Variants in PDIA4 observed in about 807,000 individuals in gnomAD.
PDIA4 encodes protein disulfide-isomerase A4.
Under a neutral mutation model 62.1 loss-of-function variants are expected in PDIA4, and 33 were observed. The observed-to-expected ratio is 0.53, with a 90% CI of 0.40 to 0.71. The LOEUF is 0.71. Among genes scored for constraint, PDIA4 ranks in the 30% least tolerant of loss-of-function variants. PDIA4 has a pLI of 0.00. For synonymous variants in PDIA4, 341 were observed against 324.1 expected, an observed-to-expected ratio of 1.05 and a Z score of -0.56; for missense variants, 804 against 813.6, an observed-to-expected ratio of 0.99 and a Z score of 0.14.
intron 1 of PDIA4, 96 bp downstream of exon 1, chr7:149,028,225 C>A (rs1824628784): frequency 2.2e-6 from 2 of 904,242 alleles, no homozygotes; most frequent in Non-Finnish European, 3.2e-6. Context: ...GCTGACCGCG[C>A]GGAAGCCCGC....
Position 149,005,915 on chromosome 7 carries a change from T to C in PDIA4, c.1270A>G (p.Ser424Gly). 1 of 1,518,216 alleles carries C rather than the reference T, an allele frequency of 6.6e-7. No homozygotes were observed. 94.0% of individuals were successfully genotyped at this position (1,518,216 alleles called of 1,614,324 possible). ...CCCTCACCAGCTCTGTAATCAAAGC[T>C]GAAGTCCACACTGTAGTAGACGACC... ...LVVVYYSVDF[S>G]FDYRAATQFW... The change falls in exon 8 of 10, where the codon AGC becomes GGC. Residue 424 changes from serine (S) to glycine (G), a missense_variant. Coordinates refer to ENST00000652332, the MANE Select transcript of PDIA4 (RefSeq NM_004911.5).
At chr7:149,016,152 G>A (rs566695373) in intron 3 of PDIA4, among the ~76,000 whole-genome samples, 8 of 152,182 alleles carry the variant, frequency 5.3e-5, no homozygotes, top group African/African-American at 9.6e-5. Flanking sequence ...AAAATTAGCC[G>A]GGCGTGGTGG....
chr7:149,023,608 G>A (rs575961045), intron 1 of PDIA4, among the ~76,000 whole-genome samples: 2 of 152,156 alleles, frequency 1.3e-5, no homozygotes, highest in Admixed American at 1.3e-4. Context: ...TTACTTGCAA[G>A]CAGATGGATG....
At chr7:149,008,949 G>A (rs1056852909) in intron 6 of PDIA4, among the ~76,000 whole-genome samples, 3 of 152,046 alleles carry the variant, frequency 2.0e-5, no homozygotes, top group Non-Finnish European at 2.9e-5. Context: ...TATTTGAGAC[G>A]GGGTCTTGCT....
rs7795577 is a variant in PDIA4 at position 149,005,394 on chromosome 7, A to G, written c.1289-20T>C. On this transcript the variant is annotated intron_variant, in intron 8 of 9. Coordinates refer to ENST00000652332, the MANE Select transcript of PDIA4 (RefSeq NM_004911.5). ...GAGTTGCTGAAAGGGACCAAGGGCCATAAGCCAGGCGGCCACACAGAGCAA... is the reference window on the plus strand; with the variant it reads ...GAGTTGCTGAAAGGGACCAAGGGCCGTAAGCCAGGCGGCCACACAGAGCAA... 0.21 allele frequency: 324,495 copies of G among 1,558,492 alleles called. 38,868 individuals are homozygous for G. The highest frequency in any genetic ancestry group is 0.53 in the African/African-American group (39,021 of 73,914).
In PDIA4 at chr7:149,003,886, T is replaced by C. The variant is rs772742466; in HGVS notation, c.1846A>G (p.Lys616Glu). ...APSGDKKNPV[K>E]FEGGDRDLEH... Reference sequence around the variant, plus strand: ...AGATCTCTGTCTCCACCCTCAAATTTAACTGGGTTCTTTTTGTCCCCACTG... The same window carrying C: ...AGATCTCTGTCTCCACCCTCAAATTCAACTGGGTTCTTTTTGTCCCCACTG... Residue 616 changes from lysine to glutamate, a missense_variant, in exon 10 of 10, where the codon AAA (lysine) becomes GAA (glutamate). Transcript: ENST00000652332. 1 of 1,613,236 alleles carries C rather than the reference T, an allele frequency of 6.2e-7. No individual in the cohort carries two copies. The highest frequency in any genetic ancestry group is 1.7e-5 in the Admixed American group (1 of 59,790).
chr7:149,023,181 G>A (rs924893103), intron 1 of PDIA4, among the ~76,000 whole-genome samples: 2 of 152,208 alleles, frequency 1.3e-5, no homozygotes, highest in Non-Finnish European at 2.9e-5. Flanking sequence ...TCGGGACTGC[G>A]TGTGTCTGAC....
chr7:149,005,416 G>A (rs553902079), intron 8 of PDIA4, 42 bp from the exon 9 acceptor site: 1 of 1,276,230 alleles, frequency 7.8e-7, no homozygotes, highest in African/African-American at 1.5e-5. Flanking sequence ...GCCACACAGA[G>A]CAAGTCCCAG....
In PDIA4 at chr7:149,003,788, AG is replaced by A. The variant is rs1225543873; in HGVS notation, c.*5del. The A allele has an allele frequency of 6.5e-7, 1 of 1,528,400 alleles. No homozygotes were observed. Among genetic ancestry groups the A allele is most frequent in the South Asian group, 1.3e-5 (1 of 76,134 alleles). 94.7% of individuals were successfully genotyped at this position (1,528,400 alleles called of 1,614,324 possible). ...CCTCCTCCCACCTTCCGCAGACCTCAGGCCTTCAAAGCTCTTCCTTGGTCCT... is the reference window on the plus strand; with the variant it reads ...CCTCCTCCCACCTTCCGCAGACCTCAGCCTTCAAAGCTCTTCCTTGGTCCT... On this transcript the variant is annotated 3_prime_UTR_variant, in exon 10 of 10. Coordinates refer to ENST00000652332, the MANE Select transcript of PDIA4 (RefSeq NM_004911.5).
intron 2 of PDIA4, among the ~76,000 whole-genome samples, chr7:149,020,270 G>T (rs1824295540): frequency 6.6e-6 from 1 of 152,118 alleles, no homozygotes; most frequent in African/African-American, 2.4e-5. Context: ...CTATTTCCAT[G>T]TTTTAAATAA....
intron 4 of PDIA4, 22 bp from the exon 5 acceptor site, chr7:149,012,382 G>T: frequency 2.5e-6 from 4 of 1,597,886 alleles, no homozygotes; most frequent in Non-Finnish European, 3.4e-6. Context: ...AAACTGGTTT[G>T]TCAGGGGCTC....
chr7:149,023,048 G>A (rs973435279), intron 1 of PDIA4, among the ~76,000 whole-genome samples: 2 of 152,134 alleles, frequency 1.3e-5, no homozygotes, highest in Middle Eastern at 3.4e-3. Flanking sequence ...ACCCATCTGA[G>A]ATGAGCCTCC....
intron 7 of PDIA4, 137 bp from the exon 8 acceptor site, chr7:149,006,190 A>C (rs1585411606): frequency 1.3e-6 from 1 of 775,380 alleles, no homozygotes; most frequent in Non-Finnish European, 1.9e-6. Context: ...CCAGGGCTCG[A>C]CCCCACTCAA....
intron 7 of PDIA4, among the ~76,000 whole-genome samples, chr7:149,007,558 T>G (rs1823806065): frequency 6.6e-6 from 1 of 152,236 alleles, no homozygotes; most frequent in Admixed American, 6.5e-5. Context: ...GCAGGGCCCC[T>G]TCTAAAGCAC....
chr7:149,023,370 G>C (rs1824422268), intron 1 of PDIA4, among the ~76,000 whole-genome samples: 1 of 152,206 alleles, frequency 6.6e-6, no homozygotes, highest in South Asian at 2.1e-4. Context: ...CTGTGTCTTT[G>C]AATGAATCGT....
intron 1 of PDIA4, among the ~76,000 whole-genome samples, chr7:149,021,715 G>A (rs986645019): frequency 2.0e-5 from 3 of 152,106 alleles, no homozygotes; most frequent in Non-Finnish European, 4.4e-5. Flanking sequence ...TGTCCCAGGG[G>A]AAGTTGGAGG....
chr7:149,021,564 G>A (rs1476657017), intron 1 of PDIA4, among the ~76,000 whole-genome samples: 2 of 151,756 alleles, frequency 1.3e-5, no homozygotes, highest in Non-Finnish European at 2.9e-5. Context: ...GTGGTCCCTG[G>A]GGGCCCACCA....
At chr7:149,027,399 A>G (rs1585436040) in intron 1 of PDIA4, among the ~76,000 whole-genome samples, 1 of 152,200 alleles carries the variant, frequency 6.6e-6, no homozygotes, top group East Asian at 1.9e-4. Flanking sequence ...TGTTTGAAAG[A>G]GTATAAAGTT....
At chr7:149,006,153 G>T in intron 7 of PDIA4, 100 bp from the exon 8 acceptor site, 1 of 1,221,602 alleles carries the variant, frequency 8.2e-7, no homozygotes, top group Non-Finnish European at 1.1e-6. Context: ...GACTTTGAAG[G>T]GGATCAGTCT....
Sources: gnomAD v4.1 joint callset for allele counts (sites outside exome capture counted in the v4.1 genomes callset) on GRCh38, gnomAD v4.1.1 for gene constraint, MANE v1.5 for transcripts, NCBI Gene and HGNC (gene_info 2026-07-23, HGNC 2026-07-21) for gene names.